Variants in SND1 observed in about 807,000 individuals in gnomAD.
The protein encoded by SND1 is staphylococcal nuclease and tudor domain containing 1.
A neutral mutation model predicts 121.7 loss-of-function variants in SND1; 38 were observed. That is an observed-to-expected ratio of 0.31 (90% CI 0.24 to 0.41). The LOEUF (loss-of-function observed/expected upper bound fraction) is 0.41. SND1 is among the 10% of genes least tolerant of loss of function. The pLI, the probability that SND1 is intolerant of heterozygous loss-of-function variation, is 1.00. For missense variants in SND1, 868 were observed against 1,184.6 expected (o/e 0.73, Z 3.92); for synonymous variants, 401 against 447.4 (o/e 0.90, Z 1.31).
chr7:127,883,464 A>T (rs1043765424), intron 12 of SND1, among the ~76,000 whole-genome samples: 5 of 152,152 alleles, frequency 3.3e-5, no homozygotes, highest in African/African-American at 1.2e-4. Context: ...GTTAATTTTG[A>T]AACCACTTAA....
chr7:128,065,968 T>G (rs2117039861), intron 16 of SND1, among the ~76,000 whole-genome samples: 1 of 152,326 alleles, frequency 6.6e-6, no homozygotes, highest in East Asian at 1.9e-4. Flanking sequence ...TAAATCTCCC[T>G]CCAGCTTCCA....
chr7:127,978,872 AGGTG>A (rs1802191254), intron 15 of SND1, among the ~76,000 whole-genome samples: 6 of 151,880 alleles, frequency 4.0e-5, no homozygotes, highest in Non-Finnish European at 7.4e-5. Flanking sequence ...TTTTTAGTAG[AGGTG>A]GGGTTTCACC....
intron 10 of SND1, among the ~76,000 whole-genome samples, chr7:127,786,682 C>T (rs1797818169): frequency 6.6e-6 from 1 of 152,072 alleles, no homozygotes; most frequent in Non-Finnish European, 1.5e-5. Context: ...TTCGCTCTGT[C>T]GCCCAGGCTG....
At chr7:128,082,632 C>G (rs915783999) in intron 18 of SND1, among the ~76,000 whole-genome samples, 1 of 152,180 alleles carries the variant, frequency 6.6e-6, no homozygotes, top group African/African-American at 2.4e-5. Flanking sequence ...GCTGCTCCAG[C>G]AGTTGCCTGA....
intron 13 of SND1, among the ~76,000 whole-genome samples, chr7:127,889,386 T>G (rs1270214669): frequency 6.6e-6 from 1 of 152,048 alleles, no homozygotes; most frequent in African/African-American, 2.4e-5. Flanking sequence ...TTACTTTTTG[T>G]GAGTATATAA....
chr7:127,859,672 C>G (rs1198415761), intron 12 of SND1, among the ~76,000 whole-genome samples: 1 of 152,072 alleles, frequency 6.6e-6, no homozygotes, highest in Non-Finnish European at 1.5e-5. Context: ...GGAGCACTTA[C>G]AAAAAATAGT....
At chr7:127,737,356 C>A (rs766342217) in intron 10 of SND1, among the ~76,000 whole-genome samples, 10 of 152,212 alleles carry the variant, frequency 6.6e-5, no homozygotes, top group Non-Finnish European at 1.3e-4. Context: ...AGGTGGATCA[C>A]CTGAGGTCAG....
At position 128,081,880 on chromosome 7, in the gene SND1, A is replaced by G. The variant is rs1449126597; in HGVS notation, c.2110+379A>G. ...TTGTAGCCCCCAGAATCTGTCAGGC[A>G]CCAGCCAGGCATTGCTCAGCCCGTT... On this transcript the variant is annotated intron_variant, in intron 18 of 23. Coordinates refer to ENST00000354725, the MANE Select transcript of SND1 (RefSeq NM_014390.4). The G allele has an allele frequency of 5.6e-6, 3 of 539,568 alleles. No homozygotes were observed. In the African/African-American group the frequency reaches 5.7e-5, roughly 10 times the overall value. The allele number at this position is 539,568 out of a possible 1,614,324, so 33.4% of individuals were successfully genotyped here. A position where few individuals can be genotyped will look rare whatever the true frequency, so the allele number is the denominator to read the frequency against.
In SND1 at chr7:128,037,725, A is replaced by C. The variant is rs118164250; in HGVS notation, c.1780-36777A>C. Among the ~76,000 whole-genome samples, 769 of 152,300 alleles carry C rather than the reference A, an allele frequency of 5.0e-3. 25 individuals carry two copies. Among genetic ancestry groups the C allele is most frequent in the East Asian group, 0.048 (249 of 5,180 alleles). On this transcript the variant is annotated intron_variant, in intron 16 of 23. Coordinates refer to ENST00000354725, the MANE Select transcript of SND1 (RefSeq NM_014390.4). ...AGCTGTGTGGCTGTTGGGTCTTCCC[A>C]CTGGGAAGGGAGAGAGTCTCTCAAT...
chr7:128,081,914 G>C (rs777300733), intron 18 of SND1: 2 of 536,216 alleles, frequency 3.7e-6, no homozygotes. Context: ...TTTCCCTCTG[G>C]GGGAGCAAGG....
At chr7:127,888,984 A>G (rs995242828) in intron 13 of SND1, among the ~76,000 whole-genome samples, 1 of 152,114 alleles carries the variant, frequency 6.6e-6, no homozygotes, top group African/African-American at 2.4e-5. Flanking sequence ...CTGATATGTG[A>G]CATTTACCTC....
At chr7:127,693,774 C>T (rs1020697190) in intron 2 of SND1, among the ~76,000 whole-genome samples, 2 of 152,046 alleles carry the variant, frequency 1.3e-5, no homozygotes, top group South Asian at 2.1e-4. Flanking sequence ...ACTAATCATA[C>T]GCTCCTTGAA....
At chr7:128,033,016 T>C (rs1792676540) in intron 16 of SND1, among the ~76,000 whole-genome samples, 1 of 152,158 alleles carries the variant, frequency 6.6e-6, no homozygotes, top group Admixed American at 6.5e-5. Context: ...CCGCGGCTTC[T>C]CAGTCTTCGC....
At chr7:127,815,221 G>A (rs1433369954) in intron 11 of SND1, among the ~76,000 whole-genome samples, 2 of 152,166 alleles carry the variant, frequency 1.3e-5, no homozygotes, top group East Asian at 3.8e-4. Context: ...GAACCTTAGA[G>A]TGTGACCTTA....
chr7:127,944,761 A>G (rs1441306162), intron 15 of SND1, among the ~76,000 whole-genome samples: 1 of 152,192 alleles, frequency 6.6e-6, no homozygotes, highest in African/African-American at 2.4e-5. Flanking sequence ...CAGGGAGGTA[A>G]GACCAAGACC....
At chr7:127,945,407 CGT>C (rs1196686829) in intron 15 of SND1, among the ~76,000 whole-genome samples, 1 of 152,004 alleles carries the variant, frequency 6.6e-6, no homozygotes, top group Non-Finnish European at 1.5e-5. Context: ...AGGAGAATGG[CGT>C]GAACCCAGGA....
At chr7:128,032,589 G>C (rs540722071) in intron 16 of SND1, among the ~76,000 whole-genome samples, 1 of 151,936 alleles carries the variant, frequency 6.6e-6, no homozygotes, top group Non-Finnish European at 1.5e-5. Context: ...GGGCTCAGGG[G>C]CCCGGCGGCC....
chr7:127,898,025 A>C (rs1800153945), intron 13 of SND1, among the ~76,000 whole-genome samples: 1 of 152,078 alleles, frequency 6.6e-6, no homozygotes, highest in African/African-American at 2.4e-5. Flanking sequence ...CAGCTCTAAT[A>C]ATCCTTTGAT....
intron 14 of SND1, among the ~76,000 whole-genome samples, chr7:127,922,649 C>A (rs1210437090): frequency 6.6e-6 from 1 of 152,182 alleles, no homozygotes; most frequent in African/African-American, 2.4e-5. Flanking sequence ...GGAGTGCTAT[C>A]CTTGCACTAC....
Sources: allele counts gnomAD v4.1 joint callset (sites outside exome capture counted in the v4.1 genomes callset), GRCh38; gene constraint gnomAD v4.1.1; transcripts MANE v1.5; gene names NCBI Gene and HGNC (gene_info 2026-07-23, HGNC 2026-07-21).